Variants in ZNF622 observed in about 807,000 individuals in gnomAD.
The protein encoded by ZNF622 is cytoplasmic 60S subunit biogenesis factor ZNF622.
Under a neutral mutation model 49.7 loss-of-function variants are expected in ZNF622, and 34 were observed. That is an observed-to-expected ratio of 0.68 (90% confidence interval 0.52 to 0.91). The LOEUF is 0.91. Among genes scored for constraint, ZNF622 ranks in the 40% least tolerant of loss-of-function variants. ZNF622 has a pLI of 0.00. For missense variants in ZNF622, 569 were observed against 616.4 expected, an observed-to-expected ratio of 0.92 and a Z score of 0.81; for synonymous variants, 209 against 228.7, an observed-to-expected ratio of 0.91 and a Z score of 0.78.
rs750292415 is a variant in ZNF622 at position 16,465,501 on chromosome 5, C to A, written c.165G>T (p.Arg55=). 6.2e-7 allele frequency: 1 copy of A among 1,614,186 alleles called. No homozygotes were observed. The highest frequency in any genetic ancestry group is 8.5e-7 in the Non-Finnish European group (1 of 1,180,020). The change falls in exon 1 of 6, where the codon CGG becomes CGT. Residue 55 remains arginine (R), a synonymous_variant. Transcript: ENST00000308683. This position sits in a 1 kb window ranked among gnomAD's most constrained non-coding sequence, Gnocchi z 6.2. ...CCTTGCTCTCCTCCTCCGCGACGGC[C>A]CGCTGCGCCCGCACTCGCTCCTGGA... is the stretch of plus-strand genomic sequence containing the variant. ...EGFQERVRAQ[R]AVAEEESKGS...
rs1738147307 is a variant in ZNF622, at chr5:16,463,103, C to T, written c.1049+5G>A. On this transcript the variant is annotated splice_donor_5th_base_variant and intron_variant, in intron 3 of 5. Coordinates refer to ENST00000308683, the MANE Select transcript of ZNF622 (RefSeq NM_033414.3). This position sits in a 1 kb window ranked among gnomAD's most constrained non-coding sequence, Gnocchi z 4.2. Reference sequence around the variant, plus strand: ...ACTTTACTTCATATTACAAACTATGCTTACCTAAAATCATAGAAGTCTGCA... The same window carrying T: ...ACTTTACTTCATATTACAAACTATGTTTACCTAAAATCATAGAAGTCTGCA... 2.5e-6 allele frequency: 4 copies of T among 1,597,776 alleles called. No individual in the cohort carries two copies. In the East Asian group the frequency reaches 8.9e-5, roughly 36 times the overall value.
chr5:16,455,108 T>C (rs919095883), intron 4 of ZNF622, among the ~76,000 whole-genome samples: 7 of 152,152 alleles, frequency 4.6e-5, no homozygotes, highest in Non-Finnish European at 1.0e-4. Context: ...CAACAGCATA[T>C]ACATAAGGCA....
chr5:16,458,777 T>G (rs575610206), intron 3 of ZNF622, 148 bp from the exon 4 acceptor site: 1 of 570,910 alleles, frequency 1.8e-6, no homozygotes, highest in African/African-American at 1.9e-5. Context: ...GCTAAAAGGT[T>G]TTGGGAGAAA....
At chr5:16,462,992 TA>T (rs1285880254) in intron 3 of ZNF622, 115 bp downstream of exon 3, 3 of 1,036,540 alleles carry the variant, frequency 2.9e-6, no homozygotes, top group Non-Finnish European at 4.1e-6. Flanking sequence ...AGAGGTGTTA[TA>T]AGTGTTATTA....
Position 16,464,733 on chromosome 5 carries a change from T to C in ZNF622, c.625+308A>G, listed in dbSNP as rs566369325. ...CGGCAGCTGGTATGACGATAGCATG[T>C]CCTCCTGTGCATATGTTAAAAGCCT... is the stretch of plus-strand genomic sequence containing the variant. On this transcript the variant is annotated intron_variant, in intron 1 of 5. Coordinates refer to ENST00000308683, the MANE Select transcript of ZNF622 (RefSeq NM_033414.3). 3.5e-4 allele frequency among the ~76,000 whole-genome samples: 54 copies of C among 152,326 alleles called. No individual in the cohort carries two copies. The South Asian group carries it at 4.1e-3, about 12-fold the overall frequency.
At position 16,465,192 on chromosome 5, in the gene ZNF622, G is replaced by A. The variant is rs1330110701; in HGVS notation, c.474C>T (p.Val158=). 1 of 1,614,226 alleles carries A rather than the reference G, an allele frequency of 6.2e-7. No individual in the cohort carries two copies. Among genetic ancestry groups the A allele is most frequent in the Non-Finnish European group, 8.5e-7 (1 of 1,180,046 alleles). Residue 158 remains valine, a synonymous_variant, in exon 1 of 6, where the codon GTC becomes GTT. Coordinates refer to ENST00000308683, the MANE Select transcript of ZNF622 (RefSeq NM_033414.3). This position sits in a 1 kb window ranked among gnomAD's most constrained non-coding sequence, Gnocchi z 6.2. ...PPAPAKEARN[V]VAVGTGGRGT... is the part of the protein sequence containing the mutation. ...CACGGCCACCAGTACCCACGGCCACGACATTCCTGGCCTCCTTTGCAGGCG... is the reference window on the plus strand; with the variant it reads ...CACGGCCACCAGTACCCACGGCCACAACATTCCTGGCCTCCTTTGCAGGCG...
chr5:16,464,897 C>T, intron 1 of ZNF622, 144 bp downstream of exon 1: 1 of 1,237,822 alleles, frequency 8.1e-7, no homozygotes, highest in Non-Finnish European at 1.1e-6. Flanking sequence ...TAAGGCACTT[C>T]AGAAAGCGTC....
At position 16,451,879 on chromosome 5, in the gene ZNF622, G is replaced by A. The variant is rs932287255; in HGVS notation, c.1307-95C>T. 3.4e-6 allele frequency: 5 copies of A among 1,453,620 alleles called. No individual in the cohort carries two copies. In the African/African-American group the frequency reaches 5.7e-5, roughly 16 times the overall value. 90.0% of individuals were successfully genotyped at this position (1,453,620 alleles called of 1,614,324 possible). ...GGCAGAGAATTCAAAAGGTTAGTTTGGGGTAACTAGGTTCTTGTATTTAAA... is the reference window on the plus strand; with the variant it reads ...GGCAGAGAATTCAAAAGGTTAGTTTAGGGTAACTAGGTTCTTGTATTTAAA... On this transcript the variant is annotated intron_variant, in intron 5 of 5. Transcript: ENST00000308683.
rs760555222 is a variant in ZNF622 at position 16,465,694 on chromosome 5, GCC to G, written c.-31_-30del. 12 of 1,536,740 alleles carry G rather than the reference GCC, an allele frequency of 7.8e-6. No homozygotes were observed. The African/African-American group carries it at 1.4e-4, about 18-fold the overall frequency. On this transcript the variant is annotated 5_prime_UTR_variant, in exon 1 of 6. Coordinates refer to ENST00000308683, the MANE Select transcript of ZNF622 (RefSeq NM_033414.3). The surrounding 1 kb of genome is among the most constrained non-coding windows in gnomAD (Gnocchi z 6.2). ...CAGGCGAGAAATAAGAACCGACCAA[GCC>G]AAACACCTGGTGATCAGCGCCGTGG...
chr5:16,453,126 C>G lies in ZNF622; in HGVS notation c.1193G>C (p.Arg398Thr), dbSNP rs776314775. ...CAAGCCAAATCGCTGTTTGTAGTAT[C>G]TCATCAAGGAGCGATGACCCACTCT... ...GARVGHRSLMRYYKQRFGLSR... is the reference protein window; with the variant it reads ...GARVGHRSLMTYYKQRFGLSR... The change falls in exon 5 of 6, where the codon AGA (arginine) becomes ACA (threonine). Residue 398 changes from arginine to threonine, a missense_variant. Arg to Thr is a moderately conservative substitution (Grantham distance 71). Coordinates refer to ENST00000308683, the MANE Select transcript of ZNF622 (RefSeq NM_033414.3). 3.8e-6 allele frequency: 6 copies of G among 1,562,176 alleles called. No individual in the cohort carries two copies. In the East Asian group the frequency reaches 1.4e-4, roughly 36 times the overall value.
At position 16,465,411 on chromosome 5, in the gene ZNF622, G is replaced by A. The variant is rs758128028; in HGVS notation, c.255C>T (p.His85=). ...KFASFNAYEN[H]LKSRRHVELE... is the part of the protein sequence containing the mutation. Reference sequence around the variant, plus strand: ...GCTCAACGTGACGCCGGGACTTGAGGTGGTTCTCGTAGGCGTTGAAAGAGG... The same window carrying A: ...GCTCAACGTGACGCCGGGACTTGAGATGGTTCTCGTAGGCGTTGAAAGAGG... The change falls in exon 1 of 6, where the codon CAC becomes CAT. Residue 85 remains histidine (H), a synonymous_variant. Transcript: ENST00000308683. The surrounding 1 kb of genome is among the most constrained non-coding windows in gnomAD (Gnocchi z 6.2). 2.5e-6 allele frequency: 4 copies of A among 1,614,250 alleles called. No individual in the cohort carries two copies. The highest frequency in any genetic ancestry group is 3.4e-6 in the Non-Finnish European group (4 of 1,180,048).
rs1322181913 is a variant in ZNF622, at chr5:16,465,158, C to T, written c.508G>A (p.Asp170Asn). The change falls in exon 1 of 6, where the codon GAC (aspartate) becomes AAC (asparagine). Residue 170 changes from aspartate to asparagine, a missense_variant. Coordinates refer to ENST00000308683, the MANE Select transcript of ZNF622 (RefSeq NM_033414.3). The surrounding 1 kb of genome is among the most constrained non-coding windows in gnomAD (Gnocchi z 6.2). ...GGTGGTTTCTCACTCGGGTCTCGGT[C>T]GTGGGTCCCACGGCCACCAGTACCC... is the stretch of plus-strand genomic sequence containing the variant. ...AVGTGGRGTHDRDPSEKPPRL... is the reference protein window; with the variant it reads ...AVGTGGRGTHNRDPSEKPPRL... 4.3e-6 allele frequency: 7 copies of T among 1,614,210 alleles called. No homozygotes were observed. In the Admixed American group the frequency reaches 1.2e-4, roughly 27 times the overall value.
At chr5:16,461,979 A>C (rs1319843745) in intron 3 of ZNF622, among the ~76,000 whole-genome samples, 1 of 152,196 alleles carries the variant, frequency 6.6e-6, no homozygotes, top group African/African-American at 2.4e-5. Flanking sequence ...GACCACTCTG[A>C]TTACAACATC....
intron 4 of ZNF622, among the ~76,000 whole-genome samples, chr5:16,453,601 A>ATG (rs1737973616): frequency 1.4e-5 from 2 of 138,340 alleles, no homozygotes; most frequent in Non-Finnish European, 1.6e-5. Context: ...ATATATATAT[A>ATG]TGAAGAAGAT....
intron 3 of ZNF622, 135 bp downstream of exon 3, chr5:16,462,973 A>G (rs1486371613): frequency 6.1e-6 from 5 of 824,798 alleles, no homozygotes; most frequent in African/African-American, 1.8e-5. Context: ...AGAAAGAACT[A>G]CCTAATACAG....
chr5:16,455,464 C>T (rs964356008), intron 4 of ZNF622, among the ~76,000 whole-genome samples: 11 of 152,136 alleles, frequency 7.2e-5, no homozygotes, highest in Non-Finnish European at 1.2e-4. Context: ...AAGAAGCTTT[C>T]GATTCAAAGA....
At position 16,465,653 on chromosome 5, in the gene ZNF622, T is replaced by A. The variant is rs564770188; in HGVS notation, c.13A>T (p.Thr5Ser). 24 of 1,574,116 alleles carry A rather than the reference T, an allele frequency of 1.5e-5. 1 individual carries two copies. The South Asian group carries it at 2.6e-4, about 17-fold the overall frequency. ...AACGCCACCCGGCAAGTTATGCAGG[T>A]GTACGTCGCCATTGCCAGGCGAGAA... MATY[T>S]CITCRVAFRD... Residue 5 changes from threonine to serine, a missense_variant, in exon 1 of 6, where the codon ACC (threonine) becomes TCC (serine). By Grantham distance (58) the Thr-to-Ser change is moderately conservative. Transcript: ENST00000308683. This position sits in a 1 kb window ranked among gnomAD's most constrained non-coding sequence, Gnocchi z 6.2.
intron 3 of ZNF622, among the ~76,000 whole-genome samples, chr5:16,461,515 G>A (rs1738122366): frequency 6.6e-6 from 1 of 152,234 alleles, no homozygotes; most frequent in African/African-American, 2.4e-5. Flanking sequence ...AGCCATAGAA[G>A]TAGTGAGAAG....
chr5:16,453,269 C>T (rs1359172688), intron 4 of ZNF622, 113 bp from the exon 5 acceptor site: 9 of 1,068,960 alleles, frequency 8.4e-6, no homozygotes, highest in Non-Finnish European at 6.1e-6. Context: ...GATGGAAAAT[C>T]GATGTACCAG....
Sources: gnomAD v4.1 joint callset for allele counts (sites outside exome capture counted in the v4.1 genomes callset) on GRCh38, gnomAD v4.1.1 for gene constraint, Gnocchi (gnomAD v3.1) non-coding constraint, MANE v1.5 for transcripts, NCBI Gene and HGNC (gene_info 2026-07-23, HGNC 2026-07-21) for gene names.